WASL: variants seen among roughly 807,000 people sequenced by gnomAD.
The protein encoded by WASL is actin nucleation-promoting factor WASL.
In WASL, 20 loss-of-function variants were observed where a neutral mutation model predicts 55.5. That is an observed-to-expected ratio of 0.36 (90% CI 0.25 to 0.52). The LOEUF (loss-of-function observed/expected upper bound fraction) is 0.52, where lower values mean the gene tolerates loss of function less well. WASL is among the 20% of genes least tolerant of loss of function. The pLI is 0.92. For synonymous variants in WASL, 249 were observed against 217.6 expected (o/e 1.14, Z -1.27); for missense variants, 504 against 622.5 (o/e 0.81, Z 2.03).
chr7:123,695,849 C>T lies in WASL; in HGVS notation c.646G>A (p.Gly216Ser), dbSNP rs1803481652. ...TCAAAGCCTGTATTTGGATCCCAAC[C>T]AACATGTCCAATGTGCCTGAAGTAG... ...PSNFQHIGHVGWDPNTGFDLN... is the reference protein window; with the variant it reads ...PSNFQHIGHVSWDPNTGFDLN... The change falls in exon 7 of 11, where the codon GGT becomes AGT. Residue 216 changes from glycine to serine, a missense_variant. This residue lies in a region of WASL where 230 missense variants were observed against 271.9 expected (regional missense o/e 0.85). Coordinates refer to ENST00000223023, the MANE Select transcript of WASL (RefSeq NM_003941.4). 6.2e-7 allele frequency: 1 copy of T among 1,612,268 alleles called. No individual in the cohort carries two copies. The highest frequency in any genetic ancestry group is 1.7e-5 in the Admixed American group (1 of 59,956).
chr7:123,710,554 G>GT (rs1443615211), intron 1 of WASL, among the ~76,000 whole-genome samples: 2 of 152,040 alleles, frequency 1.3e-5, no homozygotes, highest in Non-Finnish European at 2.9e-5. Flanking sequence ...ATTCAGAAAT[G>GT]TAAGATCAGT....
At chr7:123,722,851 A>C (rs1046122933) in intron 1 of WASL, among the ~76,000 whole-genome samples, 44 of 152,164 alleles carry the variant, frequency 2.9e-4, no homozygotes, top group Admixed American at 2.5e-3. Context: ...TATAAGTACC[A>C]AAATGAAAGC....
intron 1 of WASL, among the ~76,000 whole-genome samples, chr7:123,727,909 C>T (rs1804078596): frequency 6.6e-6 from 1 of 152,136 alleles, no homozygotes; most frequent in African/African-American, 2.4e-5. Flanking sequence ...ATGTTTGACG[C>T]ACTTCATTTC....
rs1436414137 is a variant in WASL at position 123,748,822 on chromosome 7, G to A, written c.-88C>T. ...TCCCCCTCTCGGTGACAGGGGCGGGGAGAAGTGGAGTCAGAGGCGCCACAT... is the reference window on the plus strand; with the variant it reads ...TCCCCCTCTCGGTGACAGGGGCGGGAAGAAGTGGAGTCAGAGGCGCCACAT... On this transcript the variant is annotated 5_prime_UTR_variant, in exon 1 of 11. Transcript: ENST00000223023. 2 of 1,161,322 alleles carry A rather than the reference G, an allele frequency of 1.7e-6. No homozygotes were observed. The highest frequency in any genetic ancestry group is 1.6e-5 in the African/African-American group (1 of 62,484). The allele number at this position is 1,161,322 out of a possible 1,614,324, so 71.9% of individuals were successfully genotyped here.
intron 1 of WASL, among the ~76,000 whole-genome samples, chr7:123,723,172 TATG>T (rs1274523253): frequency 1.3e-5 from 2 of 152,232 alleles, no homozygotes; most frequent in African/African-American, 4.8e-5. Flanking sequence ...AAATGCTAAT[TATG>T]ATATTATCAG....
intron 10 of WASL, among the ~76,000 whole-genome samples, chr7:123,684,877 C>G (rs948008325): frequency 7.2e-5 from 11 of 151,932 alleles, no homozygotes; most frequent in African/African-American, 2.7e-4. Context: ...TGTCACAAAT[C>G]CAACTACCTT....
chr7:123,748,934 G>C lies in WASL; in HGVS notation c.-200C>G. ...GCCACCTTCGCGCCGCGCTGAGAAA[G>C]GGAAGCTCCCGGCACCCGCCCGGCC... is the stretch of plus-strand genomic sequence containing the variant. On this transcript the variant is annotated 5_prime_UTR_variant, in exon 1 of 11. Coordinates refer to ENST00000223023, the MANE Select transcript of WASL (RefSeq NM_003941.4). 1 of 572,214 alleles carries C rather than the reference G, an allele frequency of 1.7e-6. No individual in the cohort carries two copies. The allele number at this position is 572,214 out of a possible 1,614,324, so 35.4% of individuals were successfully genotyped here.
At chr7:123,699,952 G>A (rs957162516) in intron 5 of WASL, among the ~76,000 whole-genome samples, 6 of 151,962 alleles carry the variant, frequency 3.9e-5, no homozygotes, top group East Asian at 1.9e-4. Flanking sequence ...CGAGACGGGC[G>A]GATCACGAGG....
At chr7:123,689,783 G>GAAA (rs67543108) in intron 9 of WASL, among the ~76,000 whole-genome samples, 1 of 148,800 alleles carries the variant, frequency 6.7e-6, no homozygotes. Context: ...GTGCATTCAT[G>GAAA]AAAAAAAAAA....
intron 1 of WASL, among the ~76,000 whole-genome samples, chr7:123,714,965 T>A (rs983911750): frequency 6.6e-6 from 1 of 152,058 alleles, no homozygotes; most frequent in Non-Finnish European, 1.5e-5. Flanking sequence ...ATAGGAAAGT[T>A]TGGTGAACTG....
intron 6 of WASL, among the ~76,000 whole-genome samples, chr7:123,696,194 T>G (rs1430652577): frequency 6.6e-6 from 1 of 152,076 alleles, no homozygotes; most frequent in Admixed American, 6.5e-5. Flanking sequence ...AAATAATGCA[T>G]ATGAAAATGC....
chr7:123,748,726 G>T lies in WASL; in HGVS notation c.9C>A (p.Ser3=), dbSNP rs774059540. 6.3e-7 allele frequency: 1 copy of T among 1,587,202 alleles called. No homozygotes were observed. The highest frequency in any genetic ancestry group is 8.6e-7 in the Non-Finnish European group (1 of 1,168,310). The change falls in exon 1 of 11, where the codon TCC becomes TCA. Residue 3 remains serine, a synonymous_variant. Transcript: ENST00000223023. MS[S]VQQQPPPPRR... is the part of the protein sequence containing the mutation. ...GCGGCGGCGGCGGCTGCTGCTGGAC[G>T]GAGCTCATGGTTTCGCCGGCGGGGT...
chr7:123,732,339 A>C (rs1220928225), intron 1 of WASL, among the ~76,000 whole-genome samples: 2 of 152,140 alleles, frequency 1.3e-5, no homozygotes, highest in Non-Finnish European at 2.9e-5. Context: ...CGAAAAATAA[A>C]AAATAAAAAA....
chr7:123,702,102 T>C (rs756985168), intron 5 of WASL, among the ~76,000 whole-genome samples: 3 of 152,120 alleles, frequency 2.0e-5, no homozygotes, highest in Non-Finnish European at 4.4e-5. Context: ...TTGCCCAGGC[T>C]GGAGTGCAAT....
Position 123,748,675 on chromosome 7 carries a change from C to T in WASL, c.60G>A (p.Leu20=). 1.2e-6 allele frequency: 2 copies of T among 1,612,792 alleles called. No homozygotes were observed. Among genetic ancestry groups the T allele is most frequent in the Non-Finnish European group, 1.7e-6 (2 of 1,179,462 alleles). ...ACTCGTTCTCCTGCGGGGTGAGCAACAGGGACCCCACGTTGGTGACCCTCC... is the reference window on the plus strand; with the variant it reads ...ACTCGTTCTCCTGCGGGGTGAGCAATAGGGACCCCACGTTGGTGACCCTCC... ...PPRRVTNVGS[L]LLTPQENESL... is the part of the protein sequence containing the mutation. Residue 20 remains leucine (L), a synonymous_variant, in exon 1 of 11, where the codon CTG becomes CTA. Transcript: ENST00000223023.
intron 1 of WASL, among the ~76,000 whole-genome samples, chr7:123,719,011 T>G (rs35735244): frequency 0.23 from 34,694 of 152,138 alleles, 4,316 homozygotes; most frequent in South Asian, 0.34. Flanking sequence ...CTTACTTCTG[T>G]GTAGTGGCAG....
At chr7:123,700,766 C>G (rs1406696462) in intron 5 of WASL, among the ~76,000 whole-genome samples, 1 of 152,164 alleles carries the variant, frequency 6.6e-6, no homozygotes, top group African/African-American at 2.4e-5. Flanking sequence ...ACCTCTTACA[C>G]AAAAGTCAAA....
chr7:123,712,901 C>T (rs1480837973), intron 1 of WASL, among the ~76,000 whole-genome samples: 1 of 152,122 alleles, frequency 6.6e-6, no homozygotes, highest in Non-Finnish European at 1.5e-5. Context: ...TTCAGAACAA[C>T]CACATTATGT....
intron 1 of WASL, among the ~76,000 whole-genome samples, chr7:123,745,713 A>G (rs1328434765): frequency 2.6e-5 from 4 of 151,992 alleles, no homozygotes. Flanking sequence ...GCCTAGGCAT[A>G]TGCATTTCTC....
Sources: gnomAD v4.1 joint callset for allele counts (sites outside exome capture counted in the v4.1 genomes callset) on GRCh38, gnomAD v4.1.1 for gene constraint, gnomAD v4.1.1 regional missense constraint, MANE v1.5 for transcripts, NCBI Gene and HGNC (gene_info 2026-07-23, HGNC 2026-07-21) for gene names.